MAN1A1: variants seen among roughly 807,000 people sequenced by gnomAD.
MAN1A1 encodes mannosidase alpha class 1A member 1, also known as mannosyl-oligosaccharide 1,2-alpha-mannosidase IA.
In MAN1A1, 29 loss-of-function variants were observed where a neutral mutation model predicts 70.8. The observed-to-expected ratio is 0.41, with a 90% confidence interval of 0.31 to 0.56. The LOEUF (loss-of-function observed/expected upper bound fraction) is 0.56, where lower values mean the gene tolerates loss of function less well. Ranked by LOEUF, MAN1A1 falls within the 20% of genes least tolerant of loss-of-function variation. MAN1A1 has a pLI of 0.29. For missense variants in MAN1A1, 747 were observed against 841.3 expected (o/e 0.89, Z 1.39); for synonymous variants, 349 against 330.1 (o/e 1.06, Z -0.62).
At chr6:119,332,133 C>T (rs1038579659) in intron 2 of MAN1A1, 4 of 285,766 alleles carry the variant, frequency 1.4e-5, no homozygotes, top group African/African-American at 4.5e-5. Flanking sequence ...AGGAAGTGAA[C>T]ACTCAACAAA....
At chr6:119,324,209 T>C (rs1297122353) in intron 2 of MAN1A1, among the ~76,000 whole-genome samples, 2 of 152,216 alleles carry the variant, frequency 1.3e-5, no homozygotes, top group East Asian at 3.8e-4. Context: ...AGACAAGGAA[T>C]GAAGACATTT....
At chr6:119,221,472 CTT>C (rs5879491) in intron 6 of MAN1A1, among the ~76,000 whole-genome samples, 3 of 130,380 alleles carry the variant, frequency 2.3e-5, no homozygotes, top group Admixed American at 7.9e-5. Context: ...ATTTTCTTTT[CTT>C]TTTTTTTTTT....
At chr6:119,250,811 G>C (rs1180953797) in intron 5 of MAN1A1, among the ~76,000 whole-genome samples, 3 of 152,160 alleles carry the variant, frequency 2.0e-5, no homozygotes, top group African/African-American at 7.2e-5. Context: ...TTTAGCTCTA[G>C]TTCAGTACTT....
At position 119,179,920 on chromosome 6, in the gene MAN1A1, C is replaced by T. The variant is rs536281061; in HGVS notation, c.1861G>A (p.Asp621Asn). ...CAATGCTCCAGTGGAAGAAGATCGT[C>T]GTCAGAAAATATTAGGTACAAATAT... Reference protein sequence around the residue: ...LKYLYLIFSDDDLLPLEHWIF... With the variant: ...LKYLYLIFSDNDLLPLEHWIF... The change falls in exon 13 of 13, where the codon GAC (aspartate) becomes AAC (asparagine). Residue 621 changes from aspartate to asparagine, a missense_variant. Around this residue, in one of 2 missense-constraint regions of MAN1A1, gnomAD observed 419 missense variants for 548.2 expected, o/e 0.76. Transcript: ENST00000368468. 12 of 1,613,512 alleles carry T rather than the reference C, an allele frequency of 7.4e-6. No individual in the cohort carries two copies. The highest frequency in any genetic ancestry group is 4.4e-5 in the South Asian group (4 of 91,054).
Position 119,179,965 on chromosome 6 carries a change from T to C in MAN1A1, c.1836-20A>G, listed in dbSNP as rs2114921236. ...AAATATCTGGTGAGAGAAACATAAGTATATGAGGCCCAAGACACTAGGCAG... is the reference window on the plus strand; with the variant it reads ...AAATATCTGGTGAGAGAAACATAAGCATATGAGGCCCAAGACACTAGGCAG... On this transcript the variant is annotated intron_variant, in intron 12 of 12. Coordinates refer to ENST00000368468, the MANE Select transcript of MAN1A1 (RefSeq NM_005907.4). 1.9e-6 allele frequency: 3 copies of C among 1,612,190 alleles called. No individual in the cohort carries two copies. Among genetic ancestry groups the C allele is most frequent in the Non-Finnish European group, 2.5e-6 (3 of 1,178,862 alleles).
intron 6 of MAN1A1, among the ~76,000 whole-genome samples, chr6:119,246,386 T>G (rs1775167658): frequency 6.6e-6 from 1 of 152,182 alleles, no homozygotes; most frequent in Non-Finnish European, 1.5e-5. Context: ...AAAATCCATG[T>G]AGTCAGGAAT....
chr6:119,346,741 G>C (rs141263982), intron 2 of MAN1A1, among the ~76,000 whole-genome samples: 1 of 152,170 alleles, frequency 6.6e-6, no homozygotes. Context: ...TGTATCTTTC[G>C]TATTAAAATC....
chr6:119,289,877 C>T lies in MAN1A1; in HGVS notation c.897+806G>A, dbSNP rs1053411894. Among the ~76,000 whole-genome samples, 7 of 151,890 alleles carry T rather than the reference C, an allele frequency of 4.6e-5. No homozygotes were observed. The East Asian group carries it at 7.7e-4, about 17-fold the overall frequency. On this transcript the variant is annotated intron_variant, in intron 5 of 12. Transcript: ENST00000368468. ...GGGTAAGATCTACTCTTTCCCCAGC[C>T]GGAATGCTGAGGCTAACTCAAATCT... is the stretch of plus-strand genomic sequence containing the variant.
chr6:119,179,534 G>A lies in MAN1A1; in HGVS notation c.*285C>T, dbSNP rs1773091724. 2 of 223,304 alleles carry A rather than the reference G, an allele frequency of 9.0e-6. No individual in the cohort carries two copies. The highest frequency in any genetic ancestry group is 1.8e-5 in the Non-Finnish European group (2 of 109,260). The allele number at this position is 223,304 out of a possible 1,614,324, so 13.8% of individuals were successfully genotyped here. A position where few individuals can be genotyped will look rare whatever the true frequency, so the allele number is the denominator to read the frequency against. On this transcript the variant is annotated 3_prime_UTR_variant, in exon 13 of 13. Coordinates refer to ENST00000368468, the MANE Select transcript of MAN1A1 (RefSeq NM_005907.4). ...GGTCATCGCTATACAATTCTATTCA[G>A]TTTAACAAAAACGATATTACACCTT...
At chr6:119,350,238 C>A (rs1475770526), upstream of MAN1A1, among the ~76,000 whole-genome samples, 3 of 152,102 alleles carry the variant, frequency 2.0e-5, no homozygotes, top group African/African-American at 4.8e-5. Flanking sequence ...GGGTCCTGGG[C>A]GCTGGGTCGT....
At chr6:119,269,986 A>C (rs552584549) in intron 5 of MAN1A1, among the ~76,000 whole-genome samples, 38 of 152,252 alleles carry the variant, frequency 2.5e-4, no homozygotes, top group African/African-American at 9.1e-4. Flanking sequence ...AAACGTACTT[A>C]GTGGATTTTA....
intron 6 of MAN1A1, among the ~76,000 whole-genome samples, chr6:119,207,500 T>C (rs1419072092): frequency 6.6e-6 from 1 of 152,140 alleles, no homozygotes; most frequent in Non-Finnish European, 1.5e-5. Context: ...AGACATTAGA[T>C]GAGGACATGG....
At chr6:119,263,768 A>G (rs949525826) in intron 5 of MAN1A1, among the ~76,000 whole-genome samples, 10 of 152,192 alleles carry the variant, frequency 6.6e-5, no homozygotes, top group African/African-American at 2.4e-4. Flanking sequence ...TCTTTATTAT[A>G]TATTAATGAT....
chr6:119,218,092 T>C, intron 6 of MAN1A1, among the ~76,000 whole-genome samples: 1 of 152,348 alleles, frequency 6.6e-6, no homozygotes, highest in East Asian at 1.9e-4. Context: ...GTGGTCATCC[T>C]AATGGTTTTA....
rs763533476 is a variant in MAN1A1 at position 119,348,857 on chromosome 6, C to T, written c.209G>A (p.Ser70Asn). Residue 70 changes from serine to asparagine, a missense_variant, in exon 2 of 13, where the codon AGC (serine) becomes AAC (asparagine). By Grantham distance (46) the Ser-to-Asn change is conservative. Transcript: ENST00000368468. Reference protein sequence around the residue: ...FFLPDSSKLLSGVLFHSSPAL... With the variant: ...FFLPDSSKLLNGVLFHSSPAL... ...GGGGCTGGAGTGGAACAGGACCCCGCTGAGCAGCTTGGAGGAGTCTGGCAG... is the reference window on the plus strand; with the variant it reads ...GGGGCTGGAGTGGAACAGGACCCCGTTGAGCAGCTTGGAGGAGTCTGGCAG... 3.9e-6 allele frequency: 6 copies of T among 1,525,742 alleles called. No homozygotes were observed. Among genetic ancestry groups the T allele is most frequent in the Non-Finnish European group, 3.5e-6 (4 of 1,138,486 alleles). The allele number at this position is 1,525,742 out of a possible 1,614,324, so 94.5% of individuals were successfully genotyped here. A position where few individuals can be genotyped will look rare whatever the true frequency, so the allele number is the denominator to read the frequency against.
intron 6 of MAN1A1, among the ~76,000 whole-genome samples, chr6:119,236,591 C>T (rs561543506): frequency 7.2e-5 from 11 of 151,742 alleles, no homozygotes; most frequent in Admixed American, 3.9e-4. Context: ...GCCTATAATC[C>T]CAGCTACTCG....
Position 119,193,786 on chromosome 6 carries a change from A to C in MAN1A1, c.1317T>G (p.Asp439Glu). ...TTAAATATTGGGTTACCTGAACAGC[A>C]TCAAAATACATCTTCTTAGCTTCCA... is the stretch of plus-strand genomic sequence containing the variant. ...TDLEAKKMYFDAVQAIETHLI... is the reference protein window; with the variant it reads ...TDLEAKKMYFEAVQAIETHLI... The change falls in exon 9 of 13, where the codon GAT becomes GAG. Residue 439 changes from aspartate (D) to glutamate (E), a missense_variant. Physicochemically the swap from Asp to Glu is conservative, Grantham distance 45 (BLOSUM62 2). Around this residue, in one of 2 missense-constraint regions of MAN1A1, gnomAD observed 419 missense variants for 548.2 expected, o/e 0.76. Transcript: ENST00000368468. 6.2e-7 allele frequency: 1 copy of C among 1,612,154 alleles called. No homozygotes were observed. The highest frequency in any genetic ancestry group is 8.5e-7 in the Non-Finnish European group (1 of 1,178,572).
At chr6:119,313,680 T>C (rs1772772702) in intron 2 of MAN1A1, among the ~76,000 whole-genome samples, 1 of 152,142 alleles carries the variant, frequency 6.6e-6, no homozygotes, top group Non-Finnish European at 1.5e-5. Context: ...AAAAAGTTGT[T>C]TATCTGAAAT....
At chr6:119,283,969 G>A (rs74549860) in intron 5 of MAN1A1, among the ~76,000 whole-genome samples, 4,290 of 152,142 alleles carry the variant, frequency 0.028, 93 homozygotes, top group Non-Finnish European at 0.045. Context: ...CATTACTGTC[G>A]GTTTTCTCCC....
Sources: gnomAD v4.1 joint callset for allele counts (sites outside exome capture counted in the v4.1 genomes callset) on GRCh38, gnomAD v4.1.1 for gene constraint, gnomAD v4.1.1 regional missense constraint, MANE v1.5 for transcripts, NCBI Gene and HGNC (gene_info 2026-07-23, HGNC 2026-07-21) for gene names.